CHD7: variants seen among roughly 807,000 people sequenced by gnomAD.
CHD7 encodes ATP-dependent chromatin remodeler CHD7.
CHD7 carries 24 observed loss-of-function variants against 307.3 expected under a neutral mutation model. That is an observed-to-expected ratio of 0.08 (90% CI 0.06 to 0.11). CHD7 has a LOEUF of 0.11. Among genes scored for constraint, CHD7 ranks in the 10% least tolerant of loss-of-function variants. The probability of loss-of-function intolerance (pLI) is 1.00; values close to 1 mark genes in which losing one functional copy is unlikely to be tolerated. For synonymous variants in CHD7, 1,363 were observed against 1,349.9 expected, an observed-to-expected ratio of 1.01 and a Z score of -0.21; for missense variants, 3,106 against 3,727.1, an observed-to-expected ratio of 0.83 and a Z score of 4.34.
At chr8:60,803,929 G>A (rs1308426729) in intron 6 of CHD7, among the ~76,000 whole-genome samples, 1 of 152,126 alleles carries the variant, frequency 6.6e-6, no homozygotes, top group African/African-American at 2.4e-5. Flanking sequence ...TCTCTGCCAG[G>A]CAGCACTGTA....
chr8:60,714,389 A>C (rs2150529855), intron 1 of CHD7, among the ~76,000 whole-genome samples: 1 of 122,370 alleles, frequency 8.2e-6, no homozygotes, highest in African/African-American at 3.2e-5. Flanking sequence ...GCCTGACAAC[A>C]TGGCGGCCGG....
At chr8:60,812,588 C>A (rs935924831) in intron 7 of CHD7, among the ~76,000 whole-genome samples, 3 of 147,232 alleles carry the variant, frequency 2.0e-5, no homozygotes, top group African/African-American at 7.6e-5. Flanking sequence ...CGCTTGAACC[C>A]GGGAGGCAGA....
chr8:60,686,225 A>G (rs1586160067), intron 1 of CHD7, among the ~76,000 whole-genome samples: 1 of 152,166 alleles, frequency 6.6e-6, no homozygotes, highest in South Asian at 2.1e-4. Context: ...AGGAGAAGTA[A>G]TGTTTCCACG....
At chr8:60,850,158 T>C (rs1805388758) in intron 25 of CHD7, among the ~76,000 whole-genome samples, 1 of 152,134 alleles carries the variant, frequency 6.6e-6, no homozygotes, top group South Asian at 2.1e-4. Flanking sequence ...TAAAGGAACA[T>C]TGCGAATCCT....
chr8:60,831,392 C>T (rs188879400), intron 15 of CHD7, among the ~76,000 whole-genome samples: 5 of 152,066 alleles, frequency 3.3e-5, no homozygotes, highest in East Asian at 3.9e-4. Context: ...AGTAACGATA[C>T]AAGCAAAGAG....
At position 60,797,605 on chromosome 8, in the gene CHD7, A is replaced by G. The variant is rs114204414; in HGVS notation, c.2238+2478A>G. On this transcript the variant is annotated intron_variant, in intron 4 of 37. Transcript: ENST00000423902. The stretch of plus-strand genomic sequence containing the variant: ...GGTCTTAAGCAGGGAAACCTGATGA[A>G]ACATGGCAGGTAGATCACTAGGAGC... Among the ~76,000 whole-genome samples the G allele has an allele frequency of 9.8e-3, 1,498 of 152,360 alleles. 22 individuals carry two copies. Among genetic ancestry groups the G allele is most frequent in the African/African-American group, 0.034 (1,418 of 41,578 alleles).
intron 1 of CHD7, among the ~76,000 whole-genome samples, chr8:60,723,149 C>T (rs1329057209): frequency 6.6e-6 from 1 of 151,852 alleles, no homozygotes; most frequent in African/African-American, 2.4e-5. Flanking sequence ...CCTATCTAAT[C>T]AGAAAGCCTT....
intron 1 of CHD7, among the ~76,000 whole-genome samples, chr8:60,711,011 T>G (rs1430371307): frequency 2.6e-5 from 4 of 152,356 alleles, no homozygotes; most frequent in African/African-American, 9.6e-5. Context: ...TTGTCCTTTT[T>G]TATATCATAA....
chr8:60,713,856 G>C (rs909278240), intron 1 of CHD7, among the ~76,000 whole-genome samples: 2 of 152,050 alleles, frequency 1.3e-5, no homozygotes, highest in African/African-American at 4.8e-5. Context: ...CTCATTGCCT[G>C]CCTGAATATG....
chr8:60,808,129 T>G, intron 6 of CHD7, 88 bp from the exon 7 acceptor site: 3 of 890,140 alleles, frequency 3.4e-6, no homozygotes, highest in Non-Finnish European at 3.6e-6. Flanking sequence ...TCAGTCCTAT[T>G]TTGTGCTCAT....
chr8:60,684,847 T>C (rs1254995760), intron 1 of CHD7, among the ~76,000 whole-genome samples: 1 of 152,210 alleles, frequency 6.6e-6, no homozygotes, highest in African/African-American at 2.4e-5. Context: ...CAATAGGTTG[T>C]AGACAATATC....
chr8:60,733,866 G>A (rs1262367332), intron 1 of CHD7, among the ~76,000 whole-genome samples: 1 of 152,150 alleles, frequency 6.6e-6, no homozygotes, highest in Non-Finnish European at 1.5e-5. Flanking sequence ...CAAGAAACCT[G>A]TGAAATAGTA....
Position 60,841,949 on chromosome 8 carries a change from T to C in CHD7, c.4747T>C (p.Ser1583Pro). Residue 1583 changes from serine to proline, a missense_variant, in exon 21 of 38, where the codon TCT becomes CCT. By Grantham distance (74) the Ser-to-Pro change is moderately conservative. Transcript: ENST00000423902. ...GGAGTTCTCAGACTTGGAAAGTGATTCTGAAGAAAAGCCCTGTGCAAAGCC... is the reference window on the plus strand; with the variant it reads ...GGAGTTCTCAGACTTGGAAAGTGATCCTGAAGAAAAGCCCTGTGCAAAGCC... ...LMEFSDLESD[S>P]EEKPCAKPRR... is the part of the protein sequence containing the mutation. 1 of 1,613,184 alleles carries C rather than the reference T, an allele frequency of 6.2e-7. No individual in the cohort carries two copies. The highest frequency in any genetic ancestry group is 8.5e-7 in the Non-Finnish European group (1 of 1,179,482).
intron 7 of CHD7, among the ~76,000 whole-genome samples, chr8:60,812,557 G>A (rs1158039196): frequency 2.0e-5 from 3 of 151,466 alleles, no homozygotes; most frequent in Admixed American, 6.6e-5. Flanking sequence ...CCAGCTACTC[G>A]GGAGGCTGAG....
chr8:60,832,311 C>T lies in CHD7; in HGVS notation c.3778+1734C>T, dbSNP rs139342422. ...AAGTGCTGGGATTACAGGTGTGAGC[C>T]ACTGCACCTGGCCAGTGAATTTCTT... On this transcript the variant is annotated intron_variant, in intron 15 of 37. Transcript: ENST00000423902. Among the ~76,000 whole-genome samples the T allele has an allele frequency of 3.4e-3, 517 of 152,294 alleles. 5 individuals are homozygous for T. The highest frequency in any genetic ancestry group is 0.012 in the African/African-American group (493 of 41,574).
intron 7 of CHD7, among the ~76,000 whole-genome samples, chr8:60,810,380 AGTGTGT>A (rs112629399): frequency 0.016 from 2,331 of 146,080 alleles, 63 homozygotes; most frequent in African/African-American, 0.055. Flanking sequence ...AGAGAGAGAG[AGTGTGT>A]GTGTGTGTGT....
At position 60,822,149 on chromosome 8, in the gene CHD7, T is replaced by G. The variant is rs754024665; in HGVS notation, c.2957+4T>G. ...TACTTTTCAATTGGTACAACATGTATGTAAAACAAGTTTTTCTTCACTTTT... is the reference window on the plus strand; with the variant it reads ...TACTTTTCAATTGGTACAACATGTAGGTAAAACAAGTTTTTCTTCACTTTT... On this transcript the variant is annotated splice_donor_region_variant and intron_variant, in intron 11 of 37. Transcript: ENST00000423902. 6.2e-7 allele frequency: 1 copy of G among 1,601,578 alleles called. No homozygotes were observed. The highest frequency in any genetic ancestry group is 8.5e-7 in the Non-Finnish European group (1 of 1,175,048).
chr8:60,679,442 G>GC (rs1016277516), intron 1 of CHD7: 2 of 146,056 alleles, frequency 1.4e-5, no homozygotes, highest in Admixed American at 6.8e-5. Context: ...CCGGCGTGGG[G>GC]GGGGGGTACG....
At chr8:60,730,643 G>A (rs1808403677) in intron 1 of CHD7, among the ~76,000 whole-genome samples, 1 of 152,128 alleles carries the variant, frequency 6.6e-6, no homozygotes, top group African/African-American at 2.4e-5. Flanking sequence ...GGTGGATCAC[G>A]AGGTCAGGAG....
Sources: gnomAD v4.1 joint callset for allele counts (sites outside exome capture counted in the v4.1 genomes callset) on GRCh38, gnomAD v4.1.1 for gene constraint, MANE v1.5 for transcripts, NCBI Gene and HGNC (gene_info 2026-07-23, HGNC 2026-07-21) for gene names.